Variants in SNRNP200 observed in about 807,000 individuals in gnomAD.
SNRNP200 encodes U5 small nuclear ribonucleoprotein 200 kDa helicase.
In SNRNP200, 66 loss-of-function variants were observed where a neutral mutation model predicts 255.2. The observed-to-expected ratio is 0.26, with a 90% CI of 0.21 to 0.32. The LOEUF is 0.32. SNRNP200 is among the 10% of genes least tolerant of loss of function. The pLI, the probability that SNRNP200 is intolerant of heterozygous loss-of-function variation, is 1.00. For missense variants in SNRNP200, 1,585 were observed against 2,749.8 expected (o/e 0.58, Z 9.47); for synonymous variants, 939 against 1,027.8 (o/e 0.91, Z 1.65).
chr2:96,282,221 T>C (rs2063804028), intron 34 of SNRNP200: 1 of 385,990 alleles, frequency 2.6e-6, no homozygotes, highest in South Asian at 2.5e-5. Context: ...GACCAGAAAG[T>C]GCTAACACTC....
Position 96,305,369 on chromosome 2 carries a change from ATCCT to A in SNRNP200, c.45+20_45+23del, listed in dbSNP as rs1167638896. ...TCCCCATTGGACTCCTGAGCCTGGA[ATCCT>A]TCCCCAAGACCAAACGCACCGCCTT... On this transcript the variant is annotated intron_variant, in intron 1 of 44. Coordinates refer to ENST00000323853, the MANE Select transcript of SNRNP200 (RefSeq NM_014014.5). The A allele has an allele frequency of 1.9e-6, 3 of 1,613,978 alleles. No individual in the cohort carries two copies. In the Admixed American group the frequency reaches 5.0e-5, roughly 27 times the overall value.
rs1171305787 is a variant in SNRNP200 at position 96,274,382 on chromosome 2, G to A, written c.*630C>T. 1 of 156,392 alleles carries A rather than the reference G, an allele frequency of 6.4e-6. No individual in the cohort carries two copies. The highest frequency in any genetic ancestry group is 2.4e-5 in the African/African-American group (1 of 41,482). The allele number at this position is 156,392 out of a possible 1,614,324, so 9.7% of individuals were successfully genotyped here. Reference sequence around the variant, plus strand: ...ATTAAGACTGGGTCACATCCAGCTAGTACATTTCAGTGCCCTTTCTGGTGC... The same window carrying A: ...ATTAAGACTGGGTCACATCCAGCTAATACATTTCAGTGCCCTTTCTGGTGC... On this transcript the variant is annotated 3_prime_UTR_variant, in exon 45 of 45. Transcript: ENST00000323853.
Position 96,285,345 on chromosome 2 carries a change from AAACC to A in SNRNP200, c.4004-9_4004-6del. On this transcript the variant is annotated splice_region_variant and splice_polypyrimidine_tract_variant and intron_variant, in intron 29 of 44. Transcript: ENST00000323853. ...TGTTGTATACAGTGTTAAACACTGG[AAACC>A]AACAGAAAGAAGCAGTGTAAGTATC... 1 of 1,614,124 alleles carries A rather than the reference AAACC, an allele frequency of 6.2e-7. No individual in the cohort carries two copies. Among genetic ancestry groups the A allele is most frequent in the Non-Finnish European group, 8.5e-7 (1 of 1,180,016 alleles).
At position 96,305,536 on chromosome 2, in the gene SNRNP200, A is replaced by C; in HGVS notation, c.-99T>G. On this transcript the variant is annotated 5_prime_UTR_variant, in exon 1 of 45. Coordinates refer to ENST00000323853, the MANE Select transcript of SNRNP200 (RefSeq NM_014014.5). ...TCCCGCCGCGCCGGAACGACGCAGG[A>C]AAGACGCACTGGGGAAGGAAAAGAA... The C allele has an allele frequency of 3.3e-6, 5 of 1,518,116 alleles. No homozygotes were observed. The highest frequency in any genetic ancestry group is 4.5e-6 in the Non-Finnish European group (5 of 1,099,978). 94.0% of individuals were successfully genotyped at this position (1,518,116 alleles called of 1,614,324 possible).
In SNRNP200 at chr2:96,283,802, GT is replaced by G; in HGVS notation, c.4584+10del. The G allele has an allele frequency of 6.2e-7, 1 of 1,613,542 alleles. No homozygotes were observed. ...GACACCCCACAGACGGATGAGGAGA[GT>G]GGGTCCTACCTGGATGTGCAGCTCC... On this transcript the variant is annotated intron_variant, in intron 32 of 44. Coordinates refer to ENST00000323853, the MANE Select transcript of SNRNP200 (RefSeq NM_014014.5). The surrounding 1 kb of genome is among the most constrained non-coding windows in gnomAD (Gnocchi z 4.7).
chr2:96,291,950 G>A lies in SNRNP200; in HGVS notation c.2161-50C>T. On this transcript the variant is annotated intron_variant, in intron 16 of 44. Coordinates refer to ENST00000323853, the MANE Select transcript of SNRNP200 (RefSeq NM_014014.5). The surrounding 1 kb of genome is among the most constrained non-coding windows in gnomAD (Gnocchi z 4.2). ...CAGTCACGAGATACTCACAGCCCCA[G>A]GGCACCTGCAGCAGGAAGCAGAAGT... The A allele has an allele frequency of 6.2e-7, 1 of 1,605,050 alleles. No individual in the cohort carries two copies. Among genetic ancestry groups the A allele is most frequent in the South Asian group, 1.1e-5 (1 of 90,922 alleles).
chr2:96,277,881 G>A lies in SNRNP200; in HGVS notation c.5680C>T (p.Leu1894Phe). ...FNDPHVKTNL[L>F]LQAHLSRMQL... ...ATGCGAGACAAGTGAGCCTGCAGGAGCAGGTTGGTCTTGACGTGCGGATCA... is the reference window on the plus strand; with the variant it reads ...ATGCGAGACAAGTGAGCCTGCAGGAACAGGTTGGTCTTGACGTGCGGATCA... Residue 1894 changes from leucine (L) to phenylalanine (F), a missense_variant, in exon 40 of 45, where the codon CTC (leucine) becomes TTC (phenylalanine). Leu to Phe is a conservative substitution (Grantham distance 22). This residue lies in a region of SNRNP200 where 279 missense variants were observed against 551.2 expected (regional missense o/e 0.51). Transcript: ENST00000323853. The surrounding 1 kb of genome is among the most constrained non-coding windows in gnomAD (Gnocchi z 4.4). 1 of 1,614,272 alleles carries A rather than the reference G, an allele frequency of 6.2e-7. No homozygotes were observed. Among genetic ancestry groups the A allele is most frequent in the African/African-American group, 1.3e-5 (1 of 75,074 alleles).
At chr2:96,292,882 CTT>C (rs755767220) in intron 16 of SNRNP200, 88 bp downstream of exon 16, 8 of 1,479,474 alleles carry the variant, frequency 5.4e-6, no homozygotes, top group Non-Finnish European at 7.5e-6. Flanking sequence ...TGTCTTCTCT[CTT>C]TTAATTTCTG....
chr2:96,281,706 C>A, intron 35 of SNRNP200, 108 bp downstream of exon 35: 1 of 930,752 alleles, frequency 1.1e-6, no homozygotes, highest in South Asian at 1.3e-5. Flanking sequence ...CAGCTGTTAA[C>A]TTCCCTAACA....
Position 96,277,224 on chromosome 2 carries a change from G to A in SNRNP200, c.5949C>T (p.Phe1983=), listed in dbSNP as rs766769043. 1.4e-5 allele frequency: 22 copies of A among 1,614,126 alleles called. No individual in the cohort carries two copies. In the East Asian group the frequency reaches 2.0e-4, roughly 15 times the overall value. Residue 1983 remains phenylalanine, a synonymous_variant, in exon 42 of 45, where the codon TTC becomes TTT. Transcript: ENST00000323853. The surrounding 1 kb of genome is among the most constrained non-coding windows in gnomAD (Gnocchi z 4.4). ...RCTDKGVESV[F]DIMEMEDEER... Reference sequence around the variant, plus strand: ...CTTCATCCTCCATCTCCATGATGTCGAAAACACTCTCCACTCCCTGCAGTG... The same window carrying A: ...CTTCATCCTCCATCTCCATGATGTCAAAAACACTCTCCACTCCCTGCAGTG...
At chr2:96,294,912 T>C (rs1275842026) in intron 14 of SNRNP200, among the ~76,000 whole-genome samples, 1 of 152,132 alleles carries the variant, frequency 6.6e-6, no homozygotes, top group Non-Finnish European at 1.5e-5. Flanking sequence ...AAAAAATATA[T>C]AAAGAATAAC....
Position 96,287,715 on chromosome 2 carries a change from C to T in SNRNP200, c.3365+148G>A, listed in dbSNP as rs2063852118. On this transcript the variant is annotated intron_variant, in intron 25 of 44. Transcript: ENST00000323853. The surrounding 1 kb of genome is among the most constrained non-coding windows in gnomAD (Gnocchi z 5.7). ...AGCCCTGGCCTCCACCACAGAGGGC[C>T]TTCCCTCTTCTCAATGTGCACCAAG... The T allele has an allele frequency of 1.1e-6, 1 of 896,738 alleles. No homozygotes were observed. Among genetic ancestry groups the T allele is most frequent in the Admixed American group, 1.7e-5 (1 of 57,348 alleles). The allele number at this position is 896,738 out of a possible 1,614,324, so 55.5% of individuals were successfully genotyped here. A position where few individuals can be genotyped will look rare whatever the true frequency, so the allele number is the denominator to read the frequency against.
At position 96,295,631 on chromosome 2, in the gene SNRNP200, C is replaced by T; in HGVS notation, c.1699G>A (p.Ala567Thr). The change falls in exon 14 of 45, where the codon GCT becomes ACT. Residue 567 changes from alanine to threonine, a missense_variant. Around this residue, in one of 9 missense-constraint regions of SNRNP200, gnomAD observed 56 missense variants for 77.4 expected, o/e 0.72. Transcript: ENST00000323853. ...AGCTGGTGGTCCCCAGTCAGTTCAG[C>T]AACAGTGATGCCATAAGTGGCCAGG... ...KRLATYGITVAELTGDHQLCK... is the reference protein window; with the variant it reads ...KRLATYGITVTELTGDHQLCK... 3 of 1,613,918 alleles carry T rather than the reference C, an allele frequency of 1.9e-6. No individual in the cohort carries two copies. The highest frequency in any genetic ancestry group is 1.7e-6 in the Non-Finnish European group (2 of 1,179,990).
In SNRNP200 at chr2:96,277,712, T is replaced by C. The variant is rs1684691044; in HGVS notation, c.5758A>G (p.Ile1920Val). The C allele has an allele frequency of 1.9e-6, 3 of 1,613,958 alleles. No homozygotes were observed. Among genetic ancestry groups the C allele is most frequent in the African/African-American group, 1.3e-5 (1 of 74,898 alleles). ...SDTEEILSKA[I>V]RLIQACVDVL... ...TCCACGCAGGCCTGGATGAGCCGGA[T>C]TGCCTGAACAGGAAAAGGAGTATAA... The change falls in exon 41 of 45, where the codon ATC (isoleucine) becomes GTC (valine). Residue 1920 changes from isoleucine to valine, a missense_variant. Physicochemically the swap from Ile to Val is conservative, Grantham distance 29. Around this residue, in one of 9 missense-constraint regions of SNRNP200, gnomAD observed 279 missense variants for 551.2 expected, o/e 0.51. Coordinates refer to ENST00000323853, the MANE Select transcript of SNRNP200 (RefSeq NM_014014.5). This position sits in a 1 kb window ranked among gnomAD's most constrained non-coding sequence, Gnocchi z 4.4.
In SNRNP200 at chr2:96,277,001, A is replaced by G. The variant is rs1265147906; in HGVS notation, c.6093-16T>C. On this transcript the variant is annotated splice_polypyrimidine_tract_variant and intron_variant, in intron 42 of 44. Transcript: ENST00000323853. The surrounding 1 kb of genome is among the most constrained non-coding windows in gnomAD (Gnocchi z 4.4). ...TGGCCCGCCACTGCAGGGGGAGAGG[A>G]GGGGCGCACGTCAGTGATGGGGCAG... The G allele has an allele frequency of 9.3e-6, 15 of 1,613,910 alleles. No individual in the cohort carries two copies. Among genetic ancestry groups the G allele is most frequent in the Admixed American group, 1.7e-5 (1 of 59,994 alleles).
Position 96,283,851 on chromosome 2 carries a change from G to A in SNRNP200, c.4546C>T (p.Pro1516Ser). Residue 1516 changes from proline (P) to serine (S), a missense_variant, in exon 32 of 45, where the codon CCC becomes TCC. By Grantham distance (74) the Pro-to-Ser change is moderately conservative (BLOSUM62 -1). This residue lies in a region of SNRNP200 where 719 missense variants were observed against 1,091.1 expected (regional missense o/e 0.66). Coordinates refer to ENST00000323853, the MANE Select transcript of SNRNP200 (RefSeq NM_014014.5). This position sits in a 1 kb window ranked among gnomAD's most constrained non-coding sequence, Gnocchi z 4.7. ...TCCAAGGGGACGGGACGCACATTGG[G>A]ATGGAAGTTGAAGGTGGAGGTGGCA... ...CSATSTFNFH[P>S]NVRPVPLELH... 1 of 1,601,088 alleles carries A rather than the reference G, an allele frequency of 6.2e-7. No individual in the cohort carries two copies. Among genetic ancestry groups the A allele is most frequent in the Non-Finnish European group, 8.5e-7 (1 of 1,173,700 alleles).
chr2:96,281,710 C>G, intron 35 of SNRNP200, 104 bp downstream of exon 35: 1 of 962,140 alleles, frequency 1.0e-6, no homozygotes. Context: ...TGTTAACTTC[C>G]CTAACACCTT....
At position 96,298,895 on chromosome 2, in the gene SNRNP200, G is replaced by A; in HGVS notation, c.802C>T (p.Leu268=). The A allele has an allele frequency of 6.2e-7, 1 of 1,614,144 alleles. No homozygotes were observed. The change falls in exon 7 of 45, where the codon CTG becomes TTG. Residue 268 remains leucine, a synonymous_variant. Transcript: ENST00000323853. ...TAGAAACGACTGAGCTGCCGCTGCA[G>A]CCAAAATGCATCAATATCCCGAGGG... is the stretch of plus-strand genomic sequence containing the variant. The part of the protein sequence containing the change: ...LHPRDIDAFW[L]QRQLSRFYDD...
In SNRNP200 at chr2:96,293,077, C is replaced by T; in HGVS notation, c.2055G>A (p.Leu685=). 1 of 1,614,176 alleles carries T rather than the reference C, an allele frequency of 6.2e-7. No homozygotes were observed. Among genetic ancestry groups the T allele is most frequent in the East Asian group, 2.2e-5 (1 of 44,892 alleles). Residue 685 remains leucine, a synonymous_variant, in exon 16 of 45, where the codon CTG becomes CTA. Coordinates refer to ENST00000323853, the MANE Select transcript of SNRNP200 (RefSeq NM_014014.5). ...YFDNSFRPVP[L]EQTYVGITEK... ...CTGTGATACCCACATATGTCTGTTC[C>T]AGAGGCACTGGACGGAAGCTAGAAG...
Sources: gnomAD v4.1 joint callset for allele counts (sites outside exome capture counted in the v4.1 genomes callset) on GRCh38, gnomAD v4.1.1 for gene constraint, gnomAD v4.1.1 regional missense constraint, Gnocchi (gnomAD v3.1) non-coding constraint, MANE v1.5 for transcripts, NCBI Gene and HGNC (gene_info 2026-07-23, HGNC 2026-07-21) for gene names.